NXPH2: variants seen among roughly 807,000 people sequenced by gnomAD.
The protein encoded by NXPH2 is neurexophilin-2.
In NXPH2, 5 loss-of-function variants were observed where a neutral mutation model predicts 19.8. The ratio of observed to expected loss-of-function variants is 0.25; its 90% confidence interval spans 0.13 to 0.53. NXPH2 has a LOEUF of 0.53. Among genes scored for constraint, NXPH2 ranks in the 20% least tolerant of loss-of-function variants. NXPH2 has a pLI of 0.96. For synonymous variants in NXPH2, 154 were observed against 127.4 expected (o/e 1.21, Z -1.41); for missense variants, 289 against 322.8 (o/e 0.90, Z 0.80).
At chr2:138,721,807 G>C (rs572539390) in intron 1 of NXPH2, among the ~76,000 whole-genome samples, 29 of 152,342 alleles carry the variant, frequency 1.9e-4, no homozygotes, top group African/African-American at 7.0e-4. Flanking sequence ...CCCAGGCTGA[G>C]TAACCTTGTT....
At chr2:138,766,858 A>G (rs1682100378) in intron 1 of NXPH2, among the ~76,000 whole-genome samples, 1 of 152,218 alleles carries the variant, frequency 6.6e-6, no homozygotes. Context: ...ATTTATTTAA[A>G]TTGTAGAAGA....
chr2:138,694,787 C>A (rs1680804822), intron 1 of NXPH2, among the ~76,000 whole-genome samples: 1 of 152,142 alleles, frequency 6.6e-6, no homozygotes, highest in Non-Finnish European at 1.5e-5. Context: ...GTTACACAAG[C>A]TATTCAACTA....
intron 1 of NXPH2, among the ~76,000 whole-genome samples, chr2:138,683,146 C>G (rs544240730): frequency 6.6e-6 from 1 of 151,786 alleles, no homozygotes; most frequent in Non-Finnish European, 1.5e-5. Context: ...ACAAGTTTTG[C>G]GAAGTCAAAC....
chr2:138,718,492 A>T (rs2104992128), intron 1 of NXPH2, among the ~76,000 whole-genome samples: 1 of 152,298 alleles, frequency 6.6e-6, no homozygotes, highest in African/African-American at 2.4e-5. Context: ...TCAATCATAC[A>T]AGTTTCAGAA....
At chr2:138,734,590 G>A (rs573609892) in intron 1 of NXPH2, among the ~76,000 whole-genome samples, 4 of 152,322 alleles carry the variant, frequency 2.6e-5, no homozygotes, top group African/African-American at 9.6e-5. Flanking sequence ...GTGAAATAGA[G>A]AGGGTGATCC....
chr2:138,759,032 A>G (rs537630435), intron 1 of NXPH2, among the ~76,000 whole-genome samples: 1 of 152,284 alleles, frequency 6.6e-6, no homozygotes, highest in East Asian at 1.9e-4. Context: ...ATAGATTGAC[A>G]TTTGAACACT....
intron 1 of NXPH2, among the ~76,000 whole-genome samples, chr2:138,750,132 A>G (rs1473741028): frequency 6.6e-6 from 1 of 152,162 alleles, no homozygotes; most frequent in Non-Finnish European, 1.5e-5. Flanking sequence ...TCTATAGGAT[A>G]AAAATAATAA....
At chr2:138,672,763 T>A (rs546243534) in intron 1 of NXPH2, among the ~76,000 whole-genome samples, 1 of 152,348 alleles carries the variant, frequency 6.6e-6, no homozygotes, top group Admixed American at 6.5e-5. Context: ...TCTCTAGCCC[T>A]TTCAAACTTG....
intron 1 of NXPH2, among the ~76,000 whole-genome samples, chr2:138,690,207 C>A (rs1680726912): frequency 6.6e-6 from 1 of 152,064 alleles, no homozygotes; most frequent in Non-Finnish European, 1.5e-5. Flanking sequence ...CTTCTTGATA[C>A]CTCCCTCATT....
intron 1 of NXPH2, among the ~76,000 whole-genome samples, chr2:138,765,731 G>A (rs1682079740): frequency 6.6e-6 from 1 of 152,168 alleles, no homozygotes; most frequent in Non-Finnish European, 1.5e-5. Flanking sequence ...CACAATCACT[G>A]CATTTGTTTT....
At chr2:138,738,547 T>C (rs1476891496) in intron 1 of NXPH2, among the ~76,000 whole-genome samples, 1 of 152,190 alleles carries the variant, frequency 6.6e-6, no homozygotes, top group Non-Finnish European at 1.5e-5. Context: ...TTCATGGCAC[T>C]GATAAATGGG....
chr2:138,754,732 TA>T, intron 1 of NXPH2, among the ~76,000 whole-genome samples: 1 of 152,158 alleles, frequency 6.6e-6, no homozygotes, highest in East Asian at 1.9e-4. Context: ...GGTCATATAA[TA>T]AAAATACATT....
rs1289010307 is a variant in NXPH2 at position 138,671,199 on chromosome 2, G to A, written c.518C>T (p.Pro173Leu). The A allele has an allele frequency of 6.2e-6, 10 of 1,613,854 alleles. No individual in the cohort carries two copies. The highest frequency in any genetic ancestry group is 8.5e-6 in the Non-Finnish European group (10 of 1,179,846). The change falls in exon 2 of 2, where the codon CCC becomes CTC. Residue 173 changes from proline to leucine, a missense_variant. Physicochemically the swap from Pro to Leu is moderately conservative, Grantham distance 98. Transcript: ENST00000272641. ...TTCCTTGGTCTCCAAGGTAGACTGG[G>A]GGGAAACTTCAAATTCCACCACCTT... The part of the protein sequence containing the change: ...PSKVVEFEVS[P>L]QSTLETKESK...
intron 1 of NXPH2, among the ~76,000 whole-genome samples, chr2:138,701,376 G>C (rs919905851): frequency 2.0e-5 from 3 of 152,156 alleles, no homozygotes; most frequent in Non-Finnish European, 2.9e-5. Context: ...AAAACAGAGC[G>C]GGTTTTAGAA....
chr2:138,700,287 C>A (rs184203363), intron 1 of NXPH2, among the ~76,000 whole-genome samples: 2 of 152,078 alleles, frequency 1.3e-5, no homozygotes, highest in Non-Finnish European at 2.9e-5. Flanking sequence ...AATAACCAAG[C>A]CTTTAGGAAA....
intron 1 of NXPH2, among the ~76,000 whole-genome samples, chr2:138,698,298 C>G (rs561651964): frequency 6.6e-6 from 1 of 151,810 alleles, no homozygotes; most frequent in Non-Finnish European, 1.5e-5. Flanking sequence ...AAAATAGTTA[C>G]GAAATTGTAT....
At chr2:138,708,650 G>T (rs1362298886) in intron 1 of NXPH2, among the ~76,000 whole-genome samples, 2 of 152,182 alleles carry the variant, frequency 1.3e-5, no homozygotes, top group African/African-American at 4.8e-5. Flanking sequence ...AATAGGCCAA[G>T]CTAATGTGAG....
chr2:138,759,816 G>A (rs962094947), intron 1 of NXPH2, among the ~76,000 whole-genome samples: 3 of 142,738 alleles, frequency 2.1e-5, no homozygotes, highest in African/African-American at 5.2e-5. Context: ...TGCAACCTCC[G>A]CCTCCCAGGT....
intron 1 of NXPH2, among the ~76,000 whole-genome samples, chr2:138,705,196 T>C (rs13414038): frequency 0.17 from 26,526 of 151,984 alleles, 4,913 homozygotes; most frequent in African/African-American, 0.47. Context: ...ACTCCTGGCC[T>C]CAAGCAATCT....
Sources: allele counts gnomAD v4.1 joint callset (sites outside exome capture counted in the v4.1 genomes callset), GRCh38; gene constraint gnomAD v4.1.1; transcripts MANE v1.5; gene names NCBI Gene and HGNC (gene_info 2026-07-23, HGNC 2026-07-21).